The following POU6F2 variants were observed in gnomAD, a reference collection of about 807,000 sequenced individuals.
The protein encoded by POU6F2 is POU domain, class 6, transcription factor 2.
A neutral mutation model predicts 71.3 loss-of-function variants in POU6F2; 31 were observed. The observed-to-expected ratio is 0.43, with a 90% CI of 0.33 to 0.59. The LOEUF (loss-of-function observed/expected upper bound fraction) is 0.59, where lower values mean the gene tolerates loss of function less well. Ranked by LOEUF, POU6F2 falls within the 20% of genes least tolerant of loss-of-function variation. The pLI, the probability that POU6F2 is intolerant of heterozygous loss-of-function variation, is 0.04. For missense variants in POU6F2, 783 were observed against 856.8 expected (o/e 0.91, Z 1.07); for synonymous variants, 347 against 355.7 (o/e 0.98, Z 0.27).
intron 4 of POU6F2, among the ~76,000 whole-genome samples, chr7:39,279,680 C>G (rs555171777): frequency 9.2e-5 from 14 of 152,318 alleles, no homozygotes; most frequent in African/African-American, 3.4e-4. Context: ...CATTGTATCA[C>G]TCCAATACTC....
chr7:39,205,420 G>A (rs1033300455), intron 3 of POU6F2, among the ~76,000 whole-genome samples: 5 of 152,272 alleles, frequency 3.3e-5, no homozygotes, highest in Middle Eastern at 3.4e-3. Flanking sequence ...GCCCAGGTCA[G>A]TGAGGAGTGG....
chr7:39,072,556 C>T (rs955613278), intron 1 of POU6F2, among the ~76,000 whole-genome samples: 20 of 152,158 alleles, frequency 1.3e-4, no homozygotes, highest in African/African-American at 3.4e-4. Flanking sequence ...GTCTGATTTT[C>T]CCCTTGACAA....
chr7:39,467,530 A>G lies in POU6F2; in HGVS notation c.*2844A>G, dbSNP rs993444226. ...CAAGCTTCAGTATTTTTCTCACATA[A>G]TTTTTAATTATTGTTATCTGCATTT... On this transcript the variant is annotated 3_prime_UTR_variant, in exon 10 of 10. Transcript: ENST00000518318. 2.6e-5 allele frequency: 4 copies of G among 152,210 alleles called. No individual in the cohort carries two copies. Among genetic ancestry groups the G allele is most frequent in the African/African-American group, 9.6e-5 (4 of 41,464 alleles). The allele number at this position is 152,210 out of a possible 1,614,324, so 9.4% of individuals were successfully genotyped here. A position where few individuals can be genotyped will look rare whatever the true frequency, so the allele number is the denominator to read the frequency against.
At chr7:39,165,751 A>G (rs900057266) in intron 2 of POU6F2, among the ~76,000 whole-genome samples, 1 of 152,200 alleles carries the variant, frequency 6.6e-6, no homozygotes, top group African/African-American at 2.4e-5. Context: ...GAAAAAGAAG[A>G]GGGGGGAAAC....
chr7:39,391,100 T>C (rs1787067333), intron 5 of POU6F2, among the ~76,000 whole-genome samples: 1 of 152,226 alleles, frequency 6.6e-6, no homozygotes, highest in African/African-American at 2.4e-5. Context: ...AAATACATTA[T>C]TCTTAAAACA....
At chr7:39,366,531 C>A (rs1182814172) in intron 5 of POU6F2, among the ~76,000 whole-genome samples, 1 of 152,116 alleles carries the variant, frequency 6.6e-6, no homozygotes, top group East Asian at 1.9e-4. Flanking sequence ...AAACTGTGGT[C>A]TTCAAGGAGA....
chr7:39,227,468 G>A (rs915866599), intron 4 of POU6F2, among the ~76,000 whole-genome samples: 5 of 151,782 alleles, frequency 3.3e-5, no homozygotes, highest in Admixed American at 6.6e-5. Context: ...AGCATCACCT[G>A]GGCTTTGTAA....
At chr7:39,165,420 A>G (rs867632633) in intron 2 of POU6F2, among the ~76,000 whole-genome samples, 28 of 152,304 alleles carry the variant, frequency 1.8e-4, no homozygotes, top group African/African-American at 6.0e-4. Context: ...GGACCCCTAG[A>G]GATTCTGAAG....
chr7:39,011,283 C>T (rs1326501761), intron 1 of POU6F2, among the ~76,000 whole-genome samples: 3 of 150,052 alleles, frequency 2.0e-5, no homozygotes, highest in African/African-American at 7.3e-5. Flanking sequence ...ATGTAATGGC[C>T]TTCTTTGTCT....
chr7:39,357,869 G>A (rs1278065707), intron 5 of POU6F2, among the ~76,000 whole-genome samples: 1 of 152,140 alleles, frequency 6.6e-6, no homozygotes, highest in East Asian at 1.9e-4. Context: ...TTGCTCTAGC[G>A]CCCCCTCTGG....
At position 39,317,509 on chromosome 7, in the gene POU6F2, T is replaced by C. The variant is rs1288310592; in HGVS notation, c.599-22133T>C. Among the ~76,000 whole-genome samples the C allele has an allele frequency of 2.0e-5, 3 of 152,236 alleles. 1 individual carries two copies. The highest frequency in any genetic ancestry group is 2.0e-4 in the Admixed American group (3 of 15,288). ...AAGATATTTTTCAGTTTTAATAATTTATGGTCAAAAGCTAAGACATAATAC... is the reference window on the plus strand; with the variant it reads ...AAGATATTTTTCAGTTTTAATAATTCATGGTCAAAAGCTAAGACATAATAC... On this transcript the variant is annotated intron_variant, in intron 4 of 9. Transcript: ENST00000518318.
intron 5 of POU6F2, among the ~76,000 whole-genome samples, chr7:39,358,550 A>G (rs1033057780): frequency 1.3e-5 from 2 of 152,264 alleles, no homozygotes; most frequent in African/African-American, 4.8e-5. Flanking sequence ...AGTGATTCTG[A>G]TGATCAGCAG....
intron 1 of POU6F2, among the ~76,000 whole-genome samples, chr7:39,064,193 AT>A (rs1790712469): frequency 1.3e-5 from 2 of 152,068 alleles, no homozygotes; most frequent in South Asian, 2.1e-4. Flanking sequence ...AGTATAAAAT[AT>A]TTTTATAATA....
At chr7:38,984,855 A>T (rs1161924410) in intron 1 of POU6F2, 1 of 152,152 alleles carries the variant, frequency 6.6e-6, no homozygotes, top group Non-Finnish European at 1.5e-5. Context: ...AGAAACAGGT[A>T]TATTTTTAAA....
rs1584547639 is a variant in POU6F2, at chr7:39,111,072, G to A, written c.277+25041G>A. 4.6e-5 allele frequency among the ~76,000 whole-genome samples: 7 copies of A among 152,122 alleles called. No individual in the cohort carries two copies. In the South Asian group the frequency reaches 1.2e-3, roughly 27 times the overall value. The stretch of plus-strand genomic sequence containing the variant: ...TTCTGTGTATCAATTTTTGATAAAT[G>A]TGTATATGTGTATATATGTATACTT... On this transcript the variant is annotated intron_variant, in intron 2 of 9. Coordinates refer to ENST00000518318, the MANE Select transcript of POU6F2 (RefSeq NM_001370959.1).
At chr7:39,236,335 C>T (rs957887269) in intron 4 of POU6F2, among the ~76,000 whole-genome samples, 10 of 152,172 alleles carry the variant, frequency 6.6e-5, no homozygotes, top group African/African-American at 2.4e-4. Flanking sequence ...CACTTATATA[C>T]ATTTCAGTAC....
rs1162973456 is a variant in POU6F2 at position 39,048,407 on chromosome 7, TTG to T, written c.106-37449_106-37448del. On this transcript the variant is annotated intron_variant, in intron 1 of 9. Coordinates refer to ENST00000518318, the MANE Select transcript of POU6F2 (RefSeq NM_001370959.1). ...GCCCCAGTGTCTGTTGTTCCCCTCT[TTG>T]TGTCTATGTGTTCTAAGTGAGAAAA... Among the ~76,000 whole-genome samples, 3 of 151,864 alleles carry T rather than the reference TTG, an allele frequency of 2.0e-5. No individual in the cohort carries two copies. In the East Asian group the frequency reaches 5.8e-4, roughly 30 times the overall value.
intron 5 of POU6F2, among the ~76,000 whole-genome samples, chr7:39,344,489 T>G (rs1323532238): frequency 6.6e-6 from 1 of 152,146 alleles, no homozygotes; most frequent in Admixed American, 6.5e-5. Flanking sequence ...CCAAAGTGCA[T>G]ACATAATGGG....
chr7:39,003,470 G>T (rs1157821272), intron 1 of POU6F2, among the ~76,000 whole-genome samples: 1 of 151,790 alleles, frequency 6.6e-6, no homozygotes, highest in African/African-American at 2.4e-5. Flanking sequence ...GCTGGTCACG[G>T]TGGCTCATGC....
Sources: gnomAD v4.1 joint callset for allele counts (sites outside exome capture counted in the v4.1 genomes callset) on GRCh38, gnomAD v4.1.1 for gene constraint, MANE v1.5 for transcripts, NCBI Gene and HGNC (gene_info 2026-07-23, HGNC 2026-07-21) for gene names.